BECN1: variants seen among roughly 807,000 people sequenced by gnomAD.
The protein encoded by BECN1 is beclin-1.
BECN1 carries 15 observed loss-of-function variants against 60.1 expected under a neutral mutation model. The ratio of observed to expected loss-of-function variants is 0.25; its 90% CI spans 0.17 to 0.38. The LOEUF (loss-of-function observed/expected upper bound fraction) is 0.38. BECN1 is among the 10% of genes least tolerant of loss of function. BECN1 has a pLI of 1.00. For missense variants in BECN1, 424 were observed against 548.2 expected, an observed-to-expected ratio of 0.77 and a Z score of 2.26; for synonymous variants, 179 against 201.8, an observed-to-expected ratio of 0.89 and a Z score of 0.96.
rs1362892613 is a variant in BECN1, at chr17:42,818,348, C to A, written c.556G>T (p.Glu186Ter). 6.2e-7 allele frequency: 1 copy of A among 1,614,088 alleles called. No individual in the cohort carries two copies. ...AGCCTCTCCTCCTCTAGTGCCAGCT[C>A]CTTTAGCTCCATCTGTAACTGTTCA... The part of the protein sequence containing the change: ...DSEQLQMELK[E>*]LALEEERLIQ... Residue 186 changes from glutamate to a stop codon, truncating the protein, a stop_gained, in exon 7 of 12, where the codon GAG becomes TAG. Transcript: ENST00000590099. LOFTEE classifies it high-confidence loss of function.
rs1168859530 is a variant in BECN1 at position 42,815,991 on chromosome 17, A to C, written c.747T>G (p.Ser249Arg). 1 of 1,613,152 alleles carries C rather than the reference A, an allele frequency of 6.2e-7. No homozygotes were observed. Among genetic ancestry groups the C allele is most frequent in the Non-Finnish European group, 8.5e-7 (1 of 1,179,630 alleles). ...GGGCATAACGCATCTGGTTTTCAAC[A>C]CTCTTCAGCTCATCATCCAGCTCCA... is the stretch of plus-strand genomic sequence containing the variant. The part of the protein sequence containing the change: ...QQLELDDELK[S>R]VENQMRYAQT... Residue 249 changes from serine to arginine, a missense_variant, in exon 8 of 12, where the codon AGT becomes AGG. Physicochemically the swap from Ser to Arg is moderately radical, Grantham distance 110 (BLOSUM62 -1). Around this residue, in one of 3 missense-constraint regions of BECN1, gnomAD observed 326 missense variants for 406.2 expected, o/e 0.80. Transcript: ENST00000590099.
At chr17:42,811,493 G>T in intron 11 of BECN1, 162 bp downstream of exon 11, 1 of 840,732 alleles carries the variant, frequency 1.2e-6, no homozygotes. Flanking sequence ...ATTCTGTCCT[G>T]CTTGCAGTAC....
At position 42,818,684 on chromosome 17, in the gene BECN1, G is replaced by T; in HGVS notation, c.352-4C>A. On this transcript the variant is annotated splice_region_variant and splice_polypyrimidine_tract_variant and intron_variant, in intron 5 of 11. Transcript: ENST00000590099. ...TGTCAAAAAGGTCCCCAGTGACCTG[G>T]AAGTGTGGGAGAGTCAGGGTAGGGC... The T allele has an allele frequency of 6.2e-7, 1 of 1,614,194 alleles. No individual in the cohort carries two copies. Among genetic ancestry groups the T allele is most frequent in the Non-Finnish European group, 8.5e-7 (1 of 1,180,018 alleles).
chr17:42,821,158 C>T (rs569315240), intron 2 of BECN1, among the ~76,000 whole-genome samples: 8 of 152,186 alleles, frequency 5.3e-5, no homozygotes, highest in Admixed American at 2.0e-4. Context: ...CTCCCGGGTT[C>T]GAGTGATTCC....
chr17:42,811,545 A>AT (rs2055005742), intron 11 of BECN1, 110 bp downstream of exon 11: 10 of 1,430,644 alleles, frequency 7.0e-6, no homozygotes, highest in East Asian at 2.3e-5. Flanking sequence ...ATTCTGTGCC[A>AT]TTTTTTTGCT....
At chr17:42,821,451 A>G (rs1429985998) in intron 2 of BECN1, among the ~76,000 whole-genome samples, 3 of 152,224 alleles carry the variant, frequency 2.0e-5, no homozygotes, top group Admixed American at 6.5e-5. Context: ...CAGAGTGGGA[A>G]GGAATGGATG....
chr17:42,810,896 G>A lies in BECN1; in HGVS notation c.1217C>T (p.Thr406Ile), dbSNP rs1343597390. 1 of 1,612,030 alleles carries A rather than the reference G, an allele frequency of 6.2e-7. No homozygotes were observed. The highest frequency in any genetic ancestry group is 8.5e-7 in the Non-Finnish European group (1 of 1,179,204). The change falls in exon 12 of 12, where the codon ACA becomes ATA. Residue 406 changes from threonine (T) to isoleucine (I), a missense_variant. Thr to Ile is a moderately conservative substitution (Grantham distance 89). Transcript: ENST00000590099. ...MDVEKGKIEDTGGSGGSYSIK... is the reference protein window; with the variant it reads ...MDVEKGKIEDIGGSGGSYSIK... ...GGAATAGGAGCCGCCACTGCCTCCTGTGTCTTCAATCTTGCCTTTCTCCAC... is the reference window on the plus strand; with the variant it reads ...GGAATAGGAGCCGCCACTGCCTCCTATGTCTTCAATCTTGCCTTTCTCCAC...
Position 42,818,888 on chromosome 17 carries a change from C to T in BECN1, c.261-11G>A. ...TCTGTGGACATCATCCTGCAGACAG[C>T]CCCCCGCCCACGGGCCACATGAGGG... On this transcript the variant is annotated splice_polypyrimidine_tract_variant and intron_variant, in intron 4 of 11. Transcript: ENST00000590099. 6.2e-7 allele frequency: 1 copy of T among 1,613,714 alleles called. No individual in the cohort carries two copies. Among genetic ancestry groups the T allele is most frequent in the Non-Finnish European group, 8.5e-7 (1 of 1,179,706 alleles).
intron 8 of BECN1, 156 bp downstream of exon 8, chr17:42,815,752 C>T: frequency 1.1e-6 from 1 of 914,798 alleles, no homozygotes; most frequent in Non-Finnish European, 1.7e-6. Flanking sequence ...AATTCCAATC[C>T]CTACTGTGCC....
At chr17:42,819,687 T>C (rs1597938284) in intron 3 of BECN1, 78 bp from the exon 4 acceptor site, 2 of 1,434,090 alleles carry the variant, frequency 1.4e-6, no homozygotes, top group East Asian at 2.3e-5. Flanking sequence ...CTCAGAACTA[T>C]ATGGCTTTAG....
chr17:42,820,760 G>A lies in BECN1; in HGVS notation c.198+14C>T. The A allele has an allele frequency of 1.3e-6, 2 of 1,569,846 alleles. No homozygotes were observed. Among genetic ancestry groups the A allele is most frequent in the East Asian group, 2.3e-5 (1 of 43,756 alleles). On this transcript the variant is annotated intron_variant, in intron 3 of 11. Transcript: ENST00000590099. The stretch of plus-strand genomic sequence containing the variant: ...ACTACATGAGGAGGATAGGGGAGAG[G>A]GCACTTCTATTACCTCTCCTGAGTT...
intron 4 of BECN1, 123 bp from the exon 5 acceptor site, chr17:42,819,000 C>T: frequency 9.6e-7 from 1 of 1,043,696 alleles, no homozygotes; most frequent in East Asian, 2.6e-5. Context: ...CATACCCACT[C>T]CTAGCCCGAC....
At chr17:42,814,042 G>A (rs1423733345) in intron 9 of BECN1, 34 bp from the exon 10 acceptor site, 1 of 1,449,620 alleles carries the variant, frequency 6.9e-7, no homozygotes, top group Non-Finnish European at 9.5e-7. Flanking sequence ...ATGGATACAG[G>A]ACTCCTCCCA....
Position 42,810,917 on chromosome 17 carries a change from T to G in BECN1, c.1196A>C (p.Glu399Ala). 6.2e-7 allele frequency: 1 copy of G among 1,607,970 alleles called. No homozygotes were observed. Among genetic ancestry groups the G allele is most frequent in the Non-Finnish European group, 8.5e-7 (1 of 1,177,514 alleles). The change falls in exon 12 of 12, where the codon GAG becomes GCG. Residue 399 changes from glutamate (E) to alanine (A), a missense_variant. Physicochemically the swap from Glu to Ala is moderately radical, Grantham distance 107. Coordinates refer to ENST00000590099, the MANE Select transcript of BECN1 (RefSeq NM_001313998.2). ...RFCLPYRMDVEKGKIEDTGGS... is the reference protein window; with the variant it reads ...RFCLPYRMDVAKGKIEDTGGS... Reference sequence around the variant, plus strand: ...TCCTGTGTCTTCAATCTTGCCTTTCTCCACATCCATCCTGCAGATGGACAG... The same window carrying G: ...TCCTGTGTCTTCAATCTTGCCTTTCGCCACATCCATCCTGCAGATGGACAG...
At position 42,816,003 on chromosome 17, in the gene BECN1, A is replaced by G; in HGVS notation, c.735T>C (p.Asp245=). The G allele has an allele frequency of 6.2e-7, 1 of 1,612,538 alleles. No homozygotes were observed. Among genetic ancestry groups the G allele is most frequent in the Non-Finnish European group, 8.5e-7 (1 of 1,179,122 alleles). ...EFKRQQLELD[D]ELKSVENQMR... ...TCTGGTTTTCAACACTCTTCAGCTC[A>G]TCATCCAGCTCCAGCTGCTGTCGTT... The change falls in exon 8 of 12, where the codon GAT becomes GAC. Residue 245 remains aspartate (D), a synonymous_variant. Coordinates refer to ENST00000590099, the MANE Select transcript of BECN1 (RefSeq NM_001313998.2).
intron 10 of BECN1, chr17:42,812,187 C>A (rs758263008): frequency 2.7e-4 from 43 of 158,176 alleles, no homozygotes; most frequent in Non-Finnish European, 5.7e-4. Context: ...GAGTTTGAGA[C>A]TAGCCTGACC....
intron 11 of BECN1, 128 bp from the exon 12 acceptor site, chr17:42,811,056 G>T: frequency 9.6e-7 from 1 of 1,036,940 alleles, no homozygotes; most frequent in Non-Finnish European, 1.3e-6. Flanking sequence ...AGGAATGATA[G>T]TGTATTTTGG....
At position 42,814,274 on chromosome 17, in the gene BECN1, C is replaced by T. The variant is rs545343041; in HGVS notation, c.980+250G>A. ...TTAAGAAACAAAAACTGAAAATATC[C>T]TGAGGAACACTAAGGCTCTGGGGAC... On this transcript the variant is annotated intron_variant, in intron 9 of 11. Coordinates refer to ENST00000590099, the MANE Select transcript of BECN1 (RefSeq NM_001313998.2). 11 of 575,966 alleles carry T rather than the reference C, an allele frequency of 1.9e-5. No homozygotes were observed. The South Asian group carries it at 2.8e-4, about 14-fold the overall frequency. The allele number at this position is 575,966 out of a possible 1,614,324, so 35.7% of individuals were successfully genotyped here.
At position 42,818,858 on chromosome 17, in the gene BECN1, C is replaced by T. The variant is rs974545042; in HGVS notation, c.280G>A (p.Ala94Thr). The T allele has an allele frequency of 3.1e-6, 5 of 1,614,068 alleles. No homozygotes were observed. In the African/African-American group the frequency reaches 6.7e-5, roughly 22 times the overall value. The stretch of plus-strand genomic sequence containing the variant: ...TCCCCAATCAGAGTGAAGCTGTTGG[C>T]ACTTTCTGTGGACATCATCCTGCAG... ...PPARMMSTES[A>T]NSFTLIGEAS... The change falls in exon 5 of 12, where the codon GCC (alanine) becomes ACC (threonine). Residue 94 changes from alanine (A) to threonine (T), a missense_variant. This residue lies in a region of BECN1 where 96 missense variants were observed against 125.6 expected (regional missense o/e 0.76). Transcript: ENST00000590099.
Sources: gnomAD v4.1 joint callset for allele counts (sites outside exome capture counted in the v4.1 genomes callset) on GRCh38, gnomAD v4.1.1 for gene constraint, gnomAD v4.1.1 regional missense constraint, MANE v1.5 for transcripts, NCBI Gene and HGNC (gene_info 2026-07-23, HGNC 2026-07-21) for gene names.